PML: variants seen among roughly 807,000 people sequenced by gnomAD.
PML encodes the protein PML nuclear body scaffold.
PML carries 28 observed loss-of-function variants against 65.2 expected under a neutral mutation model. The ratio of observed to expected loss-of-function variants is 0.43; its 90% CI spans 0.32 to 0.59. The LOEUF (loss-of-function observed/expected upper bound fraction) is 0.59. PML is among the 20% of genes least tolerant of loss of function. PML has a pLI of 0.08. For synonymous variants in PML, 500 were observed against 508.8 expected, an observed-to-expected ratio of 0.98 and a Z score of 0.23; for missense variants, 1,021 against 1,203.4, an observed-to-expected ratio of 0.85 and a Z score of 2.24.
intron 2 of PML, among the ~76,000 whole-genome samples, chr15:74,009,314 T>C (rs188769810): frequency 9.0e-4 from 137 of 152,348 alleles, no homozygotes; most frequent in African/African-American, 3.1e-3. Flanking sequence ...GATTGGCACC[T>C]ATCCCTGCTT....
At position 74,043,249 on chromosome 15, in the gene PML, C is replaced by T. The variant is rs116627018; in HGVS notation, c.1861+110C>T. 1.8e-4 allele frequency: 286 copies of T among 1,598,934 alleles called. 1 individual carries two copies. The African/African-American group carries it at 3.4e-3, about 19-fold the overall frequency. On this transcript the variant is annotated intron_variant, in intron 8 of 8. Coordinates refer to ENST00000268058, the MANE Select transcript of PML (RefSeq NM_033238.3). This position sits in a 1 kb window ranked among gnomAD's most constrained non-coding sequence, Gnocchi z 4.3. ...GCCCAGGAGAGCTCTGAGCTCTGGCCAACAACTGCAGCCAGGCTGGGCAGA... is the reference window on the plus strand; with the variant it reads ...GCCCAGGAGAGCTCTGAGCTCTGGCTAACAACTGCAGCCAGGCTGGGCAGA...
rs989564814 is a variant in PML, at chr15:74,033,093, G to T, written c.1399-63G>T. 18 of 1,587,632 alleles carry T rather than the reference G, an allele frequency of 1.1e-5. No homozygotes were observed. The African/African-American group carries it at 2.1e-4, about 19-fold the overall frequency. On this transcript the variant is annotated intron_variant, in intron 5 of 8. Transcript: ENST00000268058. ...GTGGCCACAAGTCCCTGGCAGTCAG[G>T]GCAGGCTCTGCCCACTCACCCCTGC...
In PML at chr15:74,022,208, C is replaced by T. The variant is rs556563373; in HGVS notation, c.603-620C>T. Among the ~76,000 whole-genome samples the T allele has an allele frequency of 6.0e-3, 913 of 152,312 alleles. 11 individuals carry two copies. Among genetic ancestry groups the T allele is most frequent in the Admixed American group, 6.5e-3 (99 of 15,298 alleles). On this transcript the variant is annotated intron_variant, in intron 2 of 8. Coordinates refer to ENST00000268058, the MANE Select transcript of PML (RefSeq NM_033238.3). ...CCGACCTCAGGTGATCCTCCCGCCC[C>T]GGCCTCCCAAAGTGCTGGGATTACA...
At chr15:74,011,119 T>C (rs2070314245) in intron 2 of PML, among the ~76,000 whole-genome samples, 1 of 152,214 alleles carries the variant, frequency 6.6e-6, no homozygotes, top group Non-Finnish European at 1.5e-5. Flanking sequence ...GACTGGTCCA[T>C]TCACAGAAGG....
At chr15:74,008,967 G>T (rs2070195022) in intron 2 of PML, among the ~76,000 whole-genome samples, 1 of 152,188 alleles carries the variant, frequency 6.6e-6, no homozygotes, top group African/African-American at 2.4e-5. Context: ...CTGAAGCAAA[G>T]AATCTGGACA....
rs1281125560 is a variant in PML, at chr15:74,034,458, T to A, written c.1658-20T>A. 2.5e-6 allele frequency: 4 copies of A among 1,614,080 alleles called. No individual in the cohort carries two copies. The Admixed American group carries it at 6.7e-5, about 27-fold the overall frequency. On this transcript the variant is annotated intron_variant, in intron 6 of 8. Coordinates refer to ENST00000268058, the MANE Select transcript of PML (RefSeq NM_033238.3). ...TGCATCCTAGGCAGTTCATAATGCA[T>A]CTCCCCTTCCCCGTTTCAGAGGAAC... is the stretch of plus-strand genomic sequence containing the variant.
chr15:73,998,159 G>T lies in PML; in HGVS notation c.285G>T (p.Trp95Cys), dbSNP rs767209117. The change falls in exon 2 of 9, where the codon TGG (tryptophan) becomes TGT (cysteine). Residue 95 changes from tryptophan to cysteine, a missense_variant. Transcript: ENST00000268058. Reference protein sequence around the residue: ...GMQCPICQAPWPLGADTPALD... With the variant: ...GMQCPICQAPCPLGADTPALD... ...AGTGCCCCATCTGCCAGGCGCCCTG[G>T]CCCCTAGGTGCAGACACACCCGCCC... The T allele has an allele frequency of 2.5e-6, 4 of 1,614,210 alleles. No homozygotes were observed. In the Admixed American group the frequency reaches 6.7e-5, roughly 27 times the overall value.
intron 7 of PML, among the ~76,000 whole-genome samples, chr15:74,039,731 A>G (rs1050496412): frequency 3.9e-5 from 6 of 152,226 alleles, no homozygotes; most frequent in African/African-American, 1.4e-4. Flanking sequence ...AACCAAAGTC[A>G]AGAACCACTG....
At position 74,044,899 on chromosome 15, in the gene PML, G is replaced by T; in HGVS notation, c.2540G>T (p.Gly847Val). Reference protein sequence around the residue: ...AQPAFNLQALGTYFEGLLEGP... With the variant: ...AQPAFNLQALVTYFEGLLEGP... Reference sequence around the variant, plus strand: ...CCTGCTTTCAACCTGCAGGCTCTGGGCACCTACTTTGAAGGCCTGTTGGAG... The same window carrying T: ...CCTGCTTTCAACCTGCAGGCTCTGGTCACCTACTTTGAAGGCCTGTTGGAG... The change falls in exon 9 of 9, where the codon GGC (glycine) becomes GTC (valine). Residue 847 changes from glycine (G) to valine (V), a missense_variant. Coordinates refer to ENST00000268058, the MANE Select transcript of PML (RefSeq NM_033238.3). The T allele has an allele frequency of 6.2e-7, 1 of 1,613,530 alleles. No individual in the cohort carries two copies. Among genetic ancestry groups the T allele is most frequent in the Non-Finnish European group, 8.5e-7 (1 of 1,180,018 alleles).
chr15:74,021,624 C>T (rs2070840094), intron 2 of PML, among the ~76,000 whole-genome samples: 1 of 151,628 alleles, frequency 6.6e-6, no homozygotes, highest in South Asian at 2.1e-4. Context: ...AAAATACAAA[C>T]ACTTTGATCT....
chr15:74,032,050 G>GCT (rs2071344967), intron 4 of PML, among the ~76,000 whole-genome samples: 1 of 152,152 alleles, frequency 6.6e-6, no homozygotes, highest in Admixed American at 6.5e-5. Context: ...CTCAATGGGA[G>GCT]GATTTTCTCA....
At position 74,047,296 on chromosome 15, in the gene PML, C is replaced by G; in HGVS notation, c.*2288C>G. ...CTTCAGTTAGTACCCGAGGGATTCC[C>G]CTGGCACAAGCATTATAGGAATTAG... On this transcript the variant is annotated 3_prime_UTR_variant, in exon 9 of 9. Transcript: ENST00000268058. 1 of 230,406 alleles carries G rather than the reference C, an allele frequency of 4.3e-6. No individual in the cohort carries two copies. The highest frequency in any genetic ancestry group is 8.6e-6 in the Non-Finnish European group (1 of 116,234). The allele number at this position is 230,406 out of a possible 1,614,324, so 14.3% of individuals were successfully genotyped here.
chr15:73,995,301 G>A (rs967711779), intron 1 of PML, among the ~76,000 whole-genome samples: 2 of 152,238 alleles, frequency 1.3e-5, no homozygotes, highest in African/African-American at 4.8e-5. Flanking sequence ...GAGGATGGAG[G>A]TAGTACCCCT....
In PML at chr15:74,035,089, G is replaced by A; in HGVS notation, c.1710+559G>A. The stretch of plus-strand genomic sequence containing the variant: ...GACTATCACCTGTCCAGGGGAAAAG[G>A]GGATCTGAATAGAGTGAAAGGTTGG... On this transcript the variant is annotated intron_variant, in intron 7 of 8. Transcript: ENST00000268058. The surrounding 1 kb of genome is among the most constrained non-coding windows in gnomAD (Gnocchi z 4.1). 8.2e-7 allele frequency: 1 copy of A among 1,218,812 alleles called. No individual in the cohort carries two copies. Among genetic ancestry groups the A allele is most frequent in the Non-Finnish European group, 1.2e-6 (1 of 828,526 alleles). The allele number at this position is 1,218,812 out of a possible 1,614,324, so 75.5% of individuals were successfully genotyped here.
chr15:73,996,303 TTAAA>T (rs1367488433), intron 1 of PML, among the ~76,000 whole-genome samples: 2 of 152,236 alleles, frequency 1.3e-5, no homozygotes, highest in African/African-American at 2.4e-5. Flanking sequence ...AGCCTATGAA[TTAAA>T]TAGTCATAAA....
At position 74,035,412 on chromosome 15, in the gene PML, G is replaced by T. The variant is rs756641826; in HGVS notation, c.1710+882G>T. Reference sequence around the variant, plus strand: ...TCCTGATCACCAGGAGCGCCCTGCCGTCCACCGTGGGATCCGCTACCTGTT... The same window carrying T: ...TCCTGATCACCAGGAGCGCCCTGCCTTCCACCGTGGGATCCGCTACCTGTT... On this transcript the variant is annotated intron_variant, in intron 7 of 8. Transcript: ENST00000268058. This position sits in a 1 kb window ranked among gnomAD's most constrained non-coding sequence, Gnocchi z 4.1. 2 of 1,611,756 alleles carry T rather than the reference G, an allele frequency of 1.2e-6. No homozygotes were observed. Among genetic ancestry groups the T allele is most frequent in the Non-Finnish European group, 8.5e-7 (1 of 1,179,986 alleles).
chr15:73,994,788 G>T lies in PML; in HGVS notation c.-25G>T, dbSNP rs767971085. ...CTTCACGCACTCCAAGATCTAAACC[G>T]AGAATCGAAACTAAGCTGGGGTCCA... On this transcript the variant is annotated 5_prime_UTR_variant, in exon 1 of 9. Transcript: ENST00000268058. 1.9e-6 allele frequency: 3 copies of T among 1,551,046 alleles called. No homozygotes were observed. Among genetic ancestry groups the T allele is most frequent in the Non-Finnish European group, 2.6e-6 (3 of 1,147,146 alleles).
chr15:73,998,575 C>G (rs1436552526), intron 2 of PML, 99 bp downstream of exon 2: 8 of 1,014,560 alleles, frequency 7.9e-6, no homozygotes, highest in Admixed American at 6.3e-5. Flanking sequence ...GGACAAGGAG[C>G]TTCTGGGGCC....
intron 2 of PML, among the ~76,000 whole-genome samples, chr15:74,017,976 T>C (rs192980787): frequency 5.9e-5 from 9 of 151,646 alleles, no homozygotes; most frequent in Non-Finnish European, 1.3e-4. Flanking sequence ...CTCTATAAAA[T>C]TAAAAATTTT....
Sources: allele counts gnomAD v4.1 joint callset (sites outside exome capture counted in the v4.1 genomes callset), GRCh38; gene constraint gnomAD v4.1.1; non-coding constraint Gnocchi (gnomAD v3.1); transcripts MANE v1.5; gene names NCBI Gene and HGNC (gene_info 2026-07-23, HGNC 2026-07-21).